Variants in KIAA1217 observed in about 807,000 individuals in gnomAD.
The protein encoded by KIAA1217 is KIAA1217.
In KIAA1217, 88 loss-of-function variants were observed where a neutral mutation model predicts 163.9. That is an observed-to-expected ratio of 0.54 (90% CI 0.45 to 0.64). The LOEUF is 0.64. KIAA1217 is among the 30% of genes least tolerant of loss of function. The pLI is 0.00. For synonymous variants in KIAA1217, 903 were observed against 923.1 expected (o/e 0.98, Z 0.39); for missense variants, 2,372 against 2,475.0 (o/e 0.96, Z 0.88).
At chr10:23,806,016 AAAAAAAAAG>A (rs1836722849) in intron 1 of KIAA1217, among the ~76,000 whole-genome samples, 1 of 150,452 alleles carries the variant, frequency 6.6e-6, no homozygotes, top group East Asian at 1.9e-4. Context: ...AAAAAAAAAA[AAAAAAAAAG>A]AAAAGAAAGA....
intron 2 of KIAA1217, among the ~76,000 whole-genome samples, chr10:24,252,007 G>A (rs2074608752): frequency 6.6e-6 from 1 of 151,962 alleles, no homozygotes; most frequent in African/African-American, 2.4e-5. Context: ...GAATAAGGGA[G>A]ACATCTCACA....
chr10:24,333,761 TTA>T (rs1312916685), intron 2 of KIAA1217, among the ~76,000 whole-genome samples: 1 of 152,142 alleles, frequency 6.6e-6, no homozygotes, highest in Admixed American at 6.5e-5. Flanking sequence ...AAAAGAATGA[TTA>T]GAGACATTGA....
At chr10:23,824,658 A>ATTATATATATATATAT (rs1379535101) in intron 1 of KIAA1217, among the ~76,000 whole-genome samples, 1 of 53,040 alleles carries the variant, frequency 1.9e-5, no homozygotes, top group African/African-American at 6.5e-5. Flanking sequence ...AAATAAAAAA[A>ATTATATATATATATAT]ATATATATAT....
chr10:24,213,463 A>C (rs4747481), intron 1 of KIAA1217, among the ~76,000 whole-genome samples: 88,299 of 151,968 alleles, frequency 0.58, 25,939 homozygotes, highest in African/African-American at 0.67. Flanking sequence ...AGATATGCAG[A>C]AGCCTCCTCT....
chr10:24,534,881 C>CAAAAAA (rs71506838), intron 16 of KIAA1217, among the ~76,000 whole-genome samples: 1 of 71,844 alleles, frequency 1.4e-5, no homozygotes, highest in African/African-American at 5.6e-5. Context: ...AACTCTGTCT[C>CAAAAAA]AAAAAAAAAA....
chr10:24,508,638 T>C (rs2068683442), intron 9 of KIAA1217, among the ~76,000 whole-genome samples: 1 of 152,172 alleles, frequency 6.6e-6, no homozygotes, highest in Non-Finnish European at 1.5e-5. Context: ...TTGAGCAAGA[T>C]CACAAGAATC....
At chr10:24,009,471 A>G (rs1439073775) in intron 2 of KIAA1217, among the ~76,000 whole-genome samples, 1 of 152,308 alleles carries the variant, frequency 6.6e-6, no homozygotes, top group Non-Finnish European at 1.5e-5. Context: ...ATGTGTTTCA[A>G]ATTATAGCAC....
chr10:23,779,783 C>T (rs1835172056), intron 1 of KIAA1217, among the ~76,000 whole-genome samples: 1 of 152,086 alleles, frequency 6.6e-6, no homozygotes, highest in South Asian at 2.1e-4. Context: ...CACACAATAA[C>T]ATTTCAGTCA....
At chr10:24,143,837 A>AAAAACC (rs1000169595) in intron 2 of KIAA1217, among the ~76,000 whole-genome samples, 5 of 151,978 alleles carry the variant, frequency 3.3e-5, no homozygotes, top group African/African-American at 1.2e-4. Context: ...AACAAAAACA[A>AAAAACC]AAAACCAGTT....
chr10:23,857,639 C>T (rs972458525), intron 1 of KIAA1217, among the ~76,000 whole-genome samples: 10 of 152,170 alleles, frequency 6.6e-5, no homozygotes, highest in East Asian at 3.9e-4. Flanking sequence ...TTATAATAAA[C>T]GGTTTGCACG....
chr10:24,409,131 ATTT>A (rs1246577450), intron 3 of KIAA1217, among the ~76,000 whole-genome samples: 1 of 152,036 alleles, frequency 6.6e-6, no homozygotes, highest in Non-Finnish European at 1.5e-5. Flanking sequence ...AGGGGGACAG[ATTT>A]TTTTTCTTGC....
Position 24,513,321 on chromosome 10 carries a change from A to G in KIAA1217, c.2064A>G (p.Lys688=). ...AGGCCGAGCTGGAAATCAGTGGCAA[A>G]GTGATGGAAACAATGAAGAGACTGG... ...MKKAELEISG[K]VMETMKRLED... Residue 688 remains lysine (K), a synonymous_variant, in exon 10 of 21, where the codon AAA becomes AAG. Transcript: ENST00000376454. 1.2e-6 allele frequency: 2 copies of G among 1,614,182 alleles called. No individual in the cohort carries two copies. The highest frequency in any genetic ancestry group is 2.2e-5 in the East Asian group (1 of 44,884).
chr10:24,172,829 A>G (rs989248789), intron 2 of KIAA1217, among the ~76,000 whole-genome samples: 2 of 152,158 alleles, frequency 1.3e-5, no homozygotes, highest in Admixed American at 6.6e-5. Flanking sequence ...TGTTTTCTCT[A>G]TTTGATGTGA....
intron 2 of KIAA1217, among the ~76,000 whole-genome samples, chr10:24,295,805 C>A (rs1301959789): frequency 1.3e-5 from 2 of 152,108 alleles, no homozygotes; most frequent in Admixed American, 6.5e-5. Context: ...ACCTAAATGC[C>A]ACCTTCTTCA....
chr10:24,530,632 C>A (rs376735823), intron 14 of KIAA1217, among the ~76,000 whole-genome samples: 14 of 152,148 alleles, frequency 9.2e-5, no homozygotes, highest in African/African-American at 3.4e-4. Flanking sequence ...CGTGGTGGCT[C>A]ATGCCTATAA....
intron 1 of KIAA1217, among the ~76,000 whole-genome samples, chr10:23,820,039 A>G (rs1410331996): frequency 6.6e-6 from 1 of 152,248 alleles, no homozygotes; most frequent in African/African-American, 2.4e-5. Flanking sequence ...ATATGTGCAC[A>G]AATACAGAGT....
chr10:23,880,281 G>A (rs942478940), intron 1 of KIAA1217, among the ~76,000 whole-genome samples: 3 of 151,894 alleles, frequency 2.0e-5, no homozygotes, highest in Non-Finnish European at 4.4e-5. Flanking sequence ...AAAAAAATGA[G>A]ATGCTGTCAT....
chr10:24,148,542 C>T (rs1020414840), intron 2 of KIAA1217, among the ~76,000 whole-genome samples: 4 of 152,096 alleles, frequency 2.6e-5, no homozygotes, highest in Admixed American at 2.0e-4. Flanking sequence ...ATTGAGTTCT[C>T]GCTGTAAGTT....
At chr10:24,094,189 T>A (rs539281724) in intron 2 of KIAA1217, among the ~76,000 whole-genome samples, 26 of 152,132 alleles carry the variant, frequency 1.7e-4, no homozygotes, top group Admixed American at 3.3e-4. Flanking sequence ...CTGGGTCAAA[T>A]GGTATTTCTA....
Sources: allele counts gnomAD v4.1 joint callset (sites outside exome capture counted in the v4.1 genomes callset), GRCh38; gene constraint gnomAD v4.1.1; transcripts MANE v1.5; gene names NCBI Gene and HGNC (gene_info 2026-07-23, HGNC 2026-07-21).